The following CNTNAP3B variants were observed in gnomAD, a reference collection of about 807,000 sequenced individuals.
CNTNAP3B encodes contactin-associated protein-like 3B.
CNTNAP3B carries 25 observed loss-of-function variants against 108.9 expected under a neutral mutation model. The observed-to-expected ratio is 0.23, with a 90% confidence interval of 0.17 to 0.32. CNTNAP3B has a LOEUF of 0.32. CNTNAP3B is among the 10% of genes least tolerant of loss of function. CNTNAP3B has a pLI of 1.00. For synonymous variants in CNTNAP3B, 103 were observed against 473.4 expected, an observed-to-expected ratio of 0.22 and a Z score of 10.16; for missense variants, 252 against 1,210.4, an observed-to-expected ratio of 0.21 and a Z score of 11.75.
chr9:41,958,045 A>T (rs1361219381), intron 12 of CNTNAP3B, among the ~76,000 whole-genome samples: 1 of 152,396 alleles, frequency 6.6e-6, no homozygotes, highest in Admixed American at 6.5e-5. Flanking sequence ...TACAGGCGTG[A>T]GCCACCGTCT....
At chr9:42,106,530 TC>T (rs1828092129) in intron 1 of CNTNAP3B, among the ~76,000 whole-genome samples, 1 of 124,450 alleles carries the variant, frequency 8.0e-6, no homozygotes, top group Non-Finnish European at 1.7e-5. Context: ...TCCTTAAATG[TC>T]CCCCTCAATG....
chr9:41,948,131 G>T lies in CNTNAP3B; in HGVS notation c.2080+5052C>A, dbSNP rs1340050134. ...TTTTGAGATGAAATCTCGTTCTGTT[G>T]TCCAGGCTGGAGTGCAGTGGTGTGA... On this transcript the variant is annotated intron_variant, in intron 13 of 23. Coordinates refer to ENST00000377561, the MANE Select transcript of CNTNAP3B (RefSeq NM_001201380.3). 2.7e-5 allele frequency among the ~76,000 whole-genome samples: 4 copies of T among 150,032 alleles called. No individual in the cohort carries two copies. In the East Asian group the frequency reaches 5.9e-4, roughly 22 times the overall value.
chr9:41,961,327 A>C (rs1387727133), intron 11 of CNTNAP3B, among the ~76,000 whole-genome samples: 8 of 152,300 alleles, frequency 5.3e-5, no homozygotes, highest in Non-Finnish European at 8.8e-5. Flanking sequence ...TAGGCAAGAA[A>C]GCATGCAAAC....
chr9:41,942,567 C>A (rs1293597088), intron 13 of CNTNAP3B, among the ~76,000 whole-genome samples: 1 of 149,478 alleles, frequency 6.7e-6, no homozygotes, highest in African/African-American at 2.5e-5. Flanking sequence ...GCTGAGATGG[C>A]GCCACTGCAC....
intron 13 of CNTNAP3B, among the ~76,000 whole-genome samples, chr9:41,938,773 G>T (rs1824237108): frequency 6.6e-6 from 1 of 152,278 alleles, no homozygotes; most frequent in South Asian, 2.1e-4. Context: ...TGTTCATTGA[G>T]AAAGTTTAAT....
chr9:41,948,459 G>C (rs1470051789), intron 13 of CNTNAP3B, among the ~76,000 whole-genome samples: 2 of 149,944 alleles, frequency 1.3e-5, no homozygotes, highest in Non-Finnish European at 3.0e-5. Flanking sequence ...CAGAAAACAG[G>C]AGACTAGAGA....
At chr9:41,952,994 C>A (rs1204417480) in intron 13 of CNTNAP3B, among the ~76,000 whole-genome samples, 189 bp downstream of exon 13, 2 of 152,186 alleles carry the variant, frequency 1.3e-5, no homozygotes, top group Admixed American at 6.5e-5. Context: ...CGTCTCTCAA[C>A]GGTCAGGAAG....
chr9:41,919,150 C>A lies in CNTNAP3B; in HGVS notation c.2995+920G>T, dbSNP rs1258863303. On this transcript the variant is annotated intron_variant, in intron 18 of 23. Transcript: ENST00000377561. ...CTTTTTCCTTTTCTTTTTTTTTTTC[C>A]CCAAGACGGAGTCTCACTCTGTCGC... is the stretch of plus-strand genomic sequence containing the variant. Among the ~76,000 whole-genome samples, 4 of 151,760 alleles carry A rather than the reference C, an allele frequency of 2.6e-5. No homozygotes were observed. In the East Asian group the frequency reaches 7.7e-4, roughly 29 times the overall value.
Position 42,003,024 on chromosome 9 carries a change from T to A in CNTNAP3B, c.539-4420A>T, listed in dbSNP as rs1052592267. Among the ~76,000 whole-genome samples, 8 of 121,726 alleles carry A rather than the reference T, an allele frequency of 6.6e-5. No individual in the cohort carries two copies. The Admixed American group carries it at 6.7e-4, about 10-fold the overall frequency. 79.9% of individuals were successfully genotyped at this position (121,726 alleles called of 152,430 possible). On this transcript the variant is annotated intron_variant, in intron 4 of 23. Coordinates refer to ENST00000377561, the MANE Select transcript of CNTNAP3B (RefSeq NM_001201380.3). ...GCCTCAGCCTCCCAAGTAGCTGGGA[T>A]TATAGGCATGCACTACAATGCCTGG...
intron 9 of CNTNAP3B, among the ~76,000 whole-genome samples, chr9:41,976,928 G>A (rs1825526936): frequency 7.1e-6 from 1 of 140,786 alleles, no homozygotes; most frequent in Non-Finnish European, 1.5e-5. Context: ...TAAAAAAAAG[G>A]CAAAACAACG....
At chr9:41,940,369 C>T (rs1369424658) in intron 13 of CNTNAP3B, among the ~76,000 whole-genome samples, 2 of 152,268 alleles carry the variant, frequency 1.3e-5, no homozygotes, top group African/African-American at 2.4e-5. Flanking sequence ...CATTACCTGC[C>T]TGTAAAAGAA....
chr9:42,096,143 A>G (rs1827894667), intron 2 of CNTNAP3B, among the ~76,000 whole-genome samples: 1 of 139,960 alleles, frequency 7.1e-6, no homozygotes, highest in Non-Finnish European at 1.5e-5. Context: ...GCCGCAGCAC[A>G]ATGAGGATGC....
intron 2 of CNTNAP3B, among the ~76,000 whole-genome samples, chr9:42,086,533 C>T (rs1435673909): frequency 1.5e-5 from 2 of 131,516 alleles, no homozygotes; most frequent in Non-Finnish European, 3.2e-5. Flanking sequence ...CAACCTCCAC[C>T]TCCCAGGTTC....
At chr9:41,925,491 G>A (rs1823791037) in intron 15 of CNTNAP3B, among the ~76,000 whole-genome samples, 1 of 152,264 alleles carries the variant, frequency 6.6e-6, no homozygotes, top group Non-Finnish European at 1.5e-5. Context: ...TAGTCGGGAG[G>A]CTGAGGCAGG....
At chr9:41,979,087 G>A (rs1825574203) in intron 9 of CNTNAP3B, among the ~76,000 whole-genome samples, 1 of 137,034 alleles carries the variant, frequency 7.3e-6, no homozygotes, top group Middle Eastern at 3.3e-3. Flanking sequence ...AGGTGTAACA[G>A]TCTAGGCCTC....
At chr9:41,938,558 G>T (rs552303633) in intron 13 of CNTNAP3B, among the ~76,000 whole-genome samples, 158 bp from the exon 14 acceptor site, 1 of 152,290 alleles carries the variant, frequency 6.6e-6, no homozygotes, top group Non-Finnish European at 1.5e-5. Context: ...CCTCTGAAAC[G>T]TTTCTTTAAG....
At chr9:41,938,602 T>C (rs1185557593) in intron 13 of CNTNAP3B, among the ~76,000 whole-genome samples, 1 of 152,290 alleles carries the variant, frequency 6.6e-6, no homozygotes, top group African/African-American at 2.4e-5. Context: ...TATTTCAATA[T>C]CTAGGCTTAA....
At chr9:41,961,701 G>A (rs1339468799) in intron 11 of CNTNAP3B, among the ~76,000 whole-genome samples, 1 of 152,298 alleles carries the variant, frequency 6.6e-6, no homozygotes, top group African/African-American at 2.4e-5. Flanking sequence ...ATTTAAAAAA[G>A]AAACGTCCCT....
intron 3 of CNTNAP3B, among the ~76,000 whole-genome samples, chr9:42,073,019 T>C (rs1261610217): frequency 1.4e-5 from 2 of 140,154 alleles, no homozygotes; most frequent in African/African-American, 2.8e-5. Flanking sequence ...CAGATTTTGC[T>C]GCTAAATAAA....
Sources: allele counts gnomAD v4.1 joint callset (sites outside exome capture counted in the v4.1 genomes callset), GRCh38; gene constraint gnomAD v4.1.1; transcripts MANE v1.5; gene names NCBI Gene and HGNC (gene_info 2026-07-23, HGNC 2026-07-21).